KLC2: variants seen among roughly 807,000 people sequenced by gnomAD.
KLC2 encodes kinesin light chain 2.
In KLC2, 35 loss-of-function variants were observed where a neutral mutation model predicts 75.1. That is an observed-to-expected ratio of 0.47 (90% CI 0.36 to 0.62). The LOEUF (loss-of-function observed/expected upper bound fraction) is 0.62, where lower values mean the gene tolerates loss of function less well. KLC2 is among the 20% of genes least tolerant of loss of function. KLC2 has a pLI of 0.00. For synonymous variants in KLC2, 314 were observed against 336.7 expected (o/e 0.93, Z 0.74); for missense variants, 611 against 833.2 (o/e 0.73, Z 3.28).
chr11:66,265,145 C>A, intron 10 of KLC2, 23 bp from the exon 11 acceptor site: 1 of 1,612,336 alleles, frequency 6.2e-7, no homozygotes. Context: ...GCTCTCACTT[C>A]TTGTGACCAT....
intron 2 of KLC2, chr11:66,259,824 G>A (rs1856262434): frequency 6.6e-6 from 1 of 152,360 alleles, no homozygotes; most frequent in Admixed American, 6.5e-5. Context: ...GGATGTTCTG[G>A]AGGTAGGTCC....
At chr11:66,248,474 G>T in the KLC2 span, among the ~76,000 whole-genome samples, 14 of 152,152 alleles carry the variant, frequency 9.2e-5, no homozygotes, top group Admixed American at 2.6e-4. Context: ...ACAAAAATTA[G>T]CCAGGCGTGG....
At chr11:66,262,602 C>T in intron 4 of KLC2, 1 of 590,686 alleles carries the variant, frequency 1.7e-6, no homozygotes, top group Non-Finnish European at 3.0e-6. Context: ...GCAGCTTGCC[C>T]CAGGACACAG....
intron 15 of KLC2, 50 bp downstream of exon 15, chr11:66,266,540 AT>A: frequency 6.5e-7 from 1 of 1,538,346 alleles, no homozygotes; most frequent in Non-Finnish European, 9.0e-7. Flanking sequence ...CCGGGGCTGC[AT>A]GCGTGCTGCC....
At chr11:66,256,787 T>C (rs1054590969), upstream of KLC2, among the ~76,000 whole-genome samples, 3 of 152,190 alleles carry the variant, frequency 2.0e-5, no homozygotes, top group Non-Finnish European at 4.4e-5. Context: ...CAGCTTTTTT[T>C]TTGTGGACAG....
In KLC2 at chr11:66,262,955, C is replaced by T. The variant is rs1294097402; in HGVS notation, c.671C>T (p.Ala224Val). ...GTAGCTGTGCCACTCTGCAAGCAGG[C>T]ACTCGAAGACCTGGAGAAGACGTCA... ...YEVAVPLCKQ[A>V]LEDLEKTSGH... Residue 224 changes from alanine (A) to valine (V), a missense_variant, in exon 5 of 16, where the codon GCA becomes GTA. Ala to Val is a moderately conservative substitution (Grantham distance 64). Transcript: ENST00000394067. 6.2e-7 allele frequency: 1 copy of T among 1,613,898 alleles called. No individual in the cohort carries two copies. The highest frequency in any genetic ancestry group is 8.5e-7 in the Non-Finnish European group (1 of 1,179,948).
At chr11:66,248,964 T>A in the KLC2 span, among the ~76,000 whole-genome samples, 1 of 152,216 alleles carries the variant, frequency 6.6e-6, no homozygotes, top group Non-Finnish European at 1.5e-5. Flanking sequence ...ACCTCAGTTA[T>A]CGATCCTCCT....
upstream of KLC2, among the ~76,000 whole-genome samples, chr11:66,252,600 A>G (rs1855973501): frequency 6.6e-6 from 1 of 152,204 alleles, no homozygotes; most frequent in African/African-American, 2.4e-5. Context: ...GGATGTCCCA[A>G]CAAAGTAGGT....
Position 66,266,967 on chromosome 11 carries a change from G to A in KLC2, c.*11G>A, listed in dbSNP as rs771084484. 1.9e-6 allele frequency: 3 copies of A among 1,611,022 alleles called. No individual in the cohort carries two copies. Among genetic ancestry groups the A allele is most frequent in the Non-Finnish European group, 8.5e-7 (1 of 1,179,956 alleles). On this transcript the variant is annotated 3_prime_UTR_variant, in exon 16 of 16. Coordinates refer to ENST00000394067, the MANE Select transcript of KLC2 (RefSeq NM_001318734.2). ...TCCCTGGTGGGCTAATGCTGAAGGG[G>A]CAGCCAGTCACCAGAGCGCCCACCT...
chr11:66,259,890 A>C (rs1480953202), intron 2 of KLC2: 2 of 152,204 alleles, frequency 1.3e-5, no homozygotes, highest in Admixed American at 1.3e-4. Context: ...ATCACTCCCA[A>C]GTTTGTGATT....
upstream of KLC2, among the ~76,000 whole-genome samples, chr11:66,253,761 T>G (rs1590849852): frequency 6.6e-6 from 1 of 152,100 alleles, no homozygotes; most frequent in South Asian, 2.1e-4. Context: ...GACAAGAGAA[T>G]GAGAACCAGC....
chr11:66,245,772 C>T, the KLC2 span, among the ~76,000 whole-genome samples: 28 of 152,034 alleles, frequency 1.8e-4, no homozygotes, highest in Non-Finnish European at 8.8e-5. Flanking sequence ...ATCTCAGCTA[C>T]TCAGGAGGCT....
At chr11:66,260,605 CT>C (rs964279055) in intron 2 of KLC2, among the ~76,000 whole-genome samples, 36 of 146,730 alleles carry the variant, frequency 2.5e-4, no homozygotes, top group Admixed American at 2.0e-4. Context: ...AATAATTTTT[CT>C]TTTTTTTTTT....
Position 66,267,373 on chromosome 11 carries a change from C to T in KLC2, c.*417C>T. On this transcript the variant is annotated 3_prime_UTR_variant, in exon 16 of 16. Coordinates refer to ENST00000394067, the MANE Select transcript of KLC2 (RefSeq NM_001318734.2). Reference sequence around the variant, plus strand: ...AATAAGTTATTGGCCGCGCGCCTCCCTTCAGTCCACGGTACTACCCGGGCC... The same window carrying T: ...AATAAGTTATTGGCCGCGCGCCTCCTTTCAGTCCACGGTACTACCCGGGCC... 4.1e-6 allele frequency: 3 copies of T among 724,420 alleles called. No individual in the cohort carries two copies. The highest frequency in any genetic ancestry group is 7.7e-6 in the Non-Finnish European group (3 of 391,498). 44.9% of individuals were successfully genotyped at this position (724,420 alleles called of 1,614,324 possible). A position where few individuals can be genotyped will look rare whatever the true frequency, so the allele number is the denominator to read the frequency against.
In KLC2 at chr11:66,264,392, G is replaced by A; in HGVS notation, c.1164G>A (p.Leu388=). 4 of 1,613,758 alleles carry A rather than the reference G, an allele frequency of 2.5e-6. No homozygotes were observed. The highest frequency in any genetic ancestry group is 1.7e-4 in the Middle Eastern group (1 of 6,060). The change falls in exon 9 of 16, where the codon TTG becomes TTA. Residue 388 remains leucine, a synonymous_variant. Transcript: ENST00000394067. The part of the protein sequence containing the change: ...KQGKYQDAET[L]YKEILTRAHE... ...GCAAGTACCAGGATGCGGAGACCTT[G>A]TACAAGGAGATCCTCACCCGCGCTC...
At chr11:66,258,925 T>G in intron 2 of KLC2, 103 bp downstream of exon 2, 1 of 796,964 alleles carries the variant, frequency 1.3e-6, no homozygotes, top group Non-Finnish European at 2.0e-6. Flanking sequence ...GAACCGTCTG[T>G]TTCCTGGAGC....
At chr11:66,258,965 T>C (rs992413594) in intron 2 of KLC2, 143 bp downstream of exon 2, 27 of 636,804 alleles carry the variant, frequency 4.2e-5, no homozygotes, top group Non-Finnish European at 7.3e-5. Flanking sequence ...AAATACCTTT[T>C]GAAGAAATAA....
upstream of KLC2, among the ~76,000 whole-genome samples, chr11:66,256,356 A>T (rs557347769): frequency 1.2e-3 from 184 of 152,300 alleles, 1 homozygote; most frequent in South Asian, 4.8e-3. Flanking sequence ...GGCCGAGGCC[A>T]AGGTGAGTGG....
At chr11:66,262,365 T>C in intron 4 of KLC2, 173 bp downstream of exon 4, 1 of 623,456 alleles carries the variant, frequency 1.6e-6, no homozygotes, top group African/African-American at 1.8e-5. Context: ...CCCCCAGCTC[T>C]GTGGTGAGCA....
Sources: allele counts gnomAD v4.1 joint callset (sites outside exome capture counted in the v4.1 genomes callset), GRCh38; gene constraint gnomAD v4.1.1; transcripts MANE v1.5; gene names NCBI Gene and HGNC (gene_info 2026-07-23, HGNC 2026-07-21).